PLCB1: variants seen among roughly 807,000 people sequenced by gnomAD.
PLCB1 encodes the protein phospholipase C beta 1.
PLCB1 carries 46 observed loss-of-function variants against 161.8 expected under a neutral mutation model. The observed-to-expected ratio is 0.28, with a 90% confidence interval of 0.22 to 0.36. PLCB1 has a LOEUF of 0.36. Ranked by LOEUF, PLCB1 falls within the 10% of genes least tolerant of loss-of-function variation. The pLI is 1.00. For missense variants in PLCB1, 1,016 were observed against 1,472.5 expected (o/e 0.69, Z 5.07); for synonymous variants, 517 against 503.7 (o/e 1.03, Z -0.35).
intron 7 of PLCB1, chr20:8,651,682 A>T: frequency 2.3e-6 from 1 of 428,054 alleles, no homozygotes; most frequent in Non-Finnish European, 3.9e-6. Context: ...AGGACAATAG[A>T]GTCTTCTGGG....
At chr20:8,336,114 A>G (rs1394527580) in intron 2 of PLCB1, among the ~76,000 whole-genome samples, 1 of 152,210 alleles carries the variant, frequency 6.6e-6, no homozygotes, top group Non-Finnish European at 1.5e-5. Context: ...AAGAATTCCT[A>G]AAACTGATCT....
At chr20:8,803,204 C>T (rs1168134921) in intron 31 of PLCB1, among the ~76,000 whole-genome samples, 1 of 151,900 alleles carries the variant, frequency 6.6e-6, no homozygotes, top group Admixed American at 6.6e-5. Context: ...TCCTGTTAAA[C>T]TGCAGACACT....
intron 3 of PLCB1, among the ~76,000 whole-genome samples, chr20:8,484,171 A>G (rs1051755969): frequency 2.6e-5 from 4 of 151,704 alleles, no homozygotes; most frequent in Admixed American, 2.6e-4. Context: ...GATCATAGGC[A>G]TGCGCCACCA....
At chr20:8,807,423 C>T (rs1000497841) in intron 31 of PLCB1, among the ~76,000 whole-genome samples, 1 of 152,032 alleles carries the variant, frequency 6.6e-6, no homozygotes, top group African/African-American at 2.4e-5. Flanking sequence ...TATTGATGTT[C>T]TTGTCACGGA....
At chr20:8,238,802 G>A (rs1980454196) in intron 2 of PLCB1, among the ~76,000 whole-genome samples, 2 of 151,932 alleles carry the variant, frequency 1.3e-5, no homozygotes, top group South Asian at 4.2e-4. Context: ...AAGCCACTGG[G>A]CCTAAAAGTA....
chr20:8,683,225 C>G (rs113625492), intron 9 of PLCB1, among the ~76,000 whole-genome samples: 1 of 151,864 alleles, frequency 6.6e-6, no homozygotes, highest in African/African-American at 2.4e-5. Context: ...TACACACACA[C>G]GGGTATTTTT....
intron 2 of PLCB1, among the ~76,000 whole-genome samples, chr20:8,280,368 G>C (rs1982814058): frequency 6.6e-6 from 1 of 151,704 alleles, no homozygotes; most frequent in South Asian, 2.1e-4. Context: ...AAAAAGAAGT[G>C]AAAAAAGGGG....
At chr20:8,837,288 A>G (rs369537955) in intron 31 of PLCB1, among the ~76,000 whole-genome samples, 6 of 152,320 alleles carry the variant, frequency 3.9e-5, no homozygotes, top group African/African-American at 9.6e-5. Flanking sequence ...GTGACGTACA[A>G]AGTGCAACTC....
At chr20:8,250,728 G>T (rs1312698031) in intron 2 of PLCB1, among the ~76,000 whole-genome samples, 3 of 151,924 alleles carry the variant, frequency 2.0e-5, no homozygotes, top group Admixed American at 1.3e-4. Context: ...CAGAGACATT[G>T]CTGGCTGCCA....
intron 2 of PLCB1, among the ~76,000 whole-genome samples, chr20:8,195,369 A>G (rs2052010694): frequency 6.6e-6 from 1 of 152,012 alleles, no homozygotes; most frequent in South Asian, 2.1e-4. Flanking sequence ...ATGGGGGCAG[A>G]GCCCTCATAA....
chr20:8,182,348 T>C, intron 2 of PLCB1, among the ~76,000 whole-genome samples: 1 of 152,152 alleles, frequency 6.6e-6, no homozygotes, highest in East Asian at 1.9e-4. Context: ...TGAGTTTCTT[T>C]GTCTGGTAAA....
At chr20:8,145,466 G>A (rs1352840286) in intron 1 of PLCB1, among the ~76,000 whole-genome samples, 1 of 152,202 alleles carries the variant, frequency 6.6e-6, no homozygotes, top group Non-Finnish European at 1.5e-5. Flanking sequence ...ACATACCTCC[G>A]CCTGGTAAAG....
intron 10 of PLCB1, among the ~76,000 whole-genome samples, chr20:8,694,469 C>A (rs1446290479): frequency 6.6e-6 from 1 of 152,136 alleles, no homozygotes; most frequent in African/African-American, 2.4e-5. Flanking sequence ...ACAAACCCAA[C>A]CTCATGCCTT....
In PLCB1 at chr20:8,601,149, G is replaced by A. The variant is rs567759632; in HGVS notation, c.247-27145G>A. ...CCCCTGTCTATACAAAATATAAGGA[G>A]CAAAAGAAGACTGTTAAGAGGCTAA... On this transcript the variant is annotated intron_variant, in intron 3 of 31. Coordinates refer to ENST00000338037, the MANE Select transcript of PLCB1 (RefSeq NM_015192.4). Among the ~76,000 whole-genome samples, 323 of 152,262 alleles carry A rather than the reference G, an allele frequency of 2.1e-3. 1 individual carries two copies. Among genetic ancestry groups the A allele is most frequent in the African/African-American group, 7.2e-3 (301 of 41,534 alleles).
intron 1 of PLCB1, among the ~76,000 whole-genome samples, chr20:8,143,198 C>G (rs770640922): frequency 3.0e-4 from 45 of 152,280 alleles, no homozygotes; most frequent in Non-Finnish European, 4.7e-4. Flanking sequence ...CTCTACTATG[C>G]AAGTGTAACT....
chr20:8,653,134 T>C (rs1989364683), intron 7 of PLCB1: 1 of 152,120 alleles, frequency 6.6e-6, no homozygotes, highest in Admixed American at 6.6e-5. Flanking sequence ...CGGAGTTGCA[T>C]TTTAACGAAG....
intron 3 of PLCB1, among the ~76,000 whole-genome samples, chr20:8,554,803 C>G (rs1985896054): frequency 6.6e-6 from 1 of 152,068 alleles, no homozygotes; most frequent in African/African-American, 2.4e-5. Flanking sequence ...TGAGTTCTTG[C>G]TTAATAATAT....
chr20:8,836,868 G>T (rs987771496), intron 31 of PLCB1, among the ~76,000 whole-genome samples: 3 of 152,216 alleles, frequency 2.0e-5, no homozygotes, highest in Non-Finnish European at 2.9e-5. Context: ...TGCCCTCGAG[G>T]AGACCTTTAT....
intron 2 of PLCB1, among the ~76,000 whole-genome samples, chr20:8,254,766 AAACT>A (rs1169842460): frequency 6.6e-6 from 1 of 151,968 alleles, no homozygotes; most frequent in Admixed American, 6.6e-5. Flanking sequence ...CACACATTCA[AAACT>A]AACTAGATTA....
Sources: gnomAD v4.1 joint callset for allele counts (sites outside exome capture counted in the v4.1 genomes callset) on GRCh38, gnomAD v4.1.1 for gene constraint, MANE v1.5 for transcripts, NCBI Gene and HGNC (gene_info 2026-07-23, HGNC 2026-07-21) for gene names.